The following POU2F1 variants were observed in gnomAD, a reference collection of about 807,000 sequenced individuals.
The protein encoded by POU2F1 is POU domain, class 2, transcription factor 1.
A neutral mutation model predicts 84.9 loss-of-function variants in POU2F1; 16 were observed. The ratio of observed to expected loss-of-function variants is 0.19; its 90% confidence interval spans 0.13 to 0.29. The LOEUF is 0.29. Among genes scored for constraint, POU2F1 ranks in the 10% least tolerant of loss-of-function variants. The pLI, the probability that POU2F1 is intolerant of heterozygous loss-of-function variation, is 1.00. For missense variants in POU2F1, 738 were observed against 942.6 expected, an observed-to-expected ratio of 0.78 and a Z score of 2.84; for synonymous variants, 368 against 368.3, an observed-to-expected ratio of 1.00 and a Z score of 0.01.
intron 2 of POU2F1, among the ~76,000 whole-genome samples, chr1:167,356,372 T>G (rs778586576): frequency 6.6e-6 from 1 of 152,026 alleles, no homozygotes. Flanking sequence ...TAATAAATTA[T>G]TAGATTCCTT....
chr1:167,302,905 G>A (rs867995717), intron 1 of POU2F1, among the ~76,000 whole-genome samples: 2 of 152,298 alleles, frequency 1.3e-5, no homozygotes, highest in Middle Eastern at 3.4e-3. Context: ...GAGGCCTCAT[G>A]ACAAAGAGGG....
At chr1:167,276,415 A>T (rs113655712) in intron 1 of POU2F1, among the ~76,000 whole-genome samples, 5 of 152,250 alleles carry the variant, frequency 3.3e-5, no homozygotes, top group African/African-American at 1.2e-4. Context: ...TGTTAATCTT[A>T]CTATGCCTAA....
At chr1:167,307,807 C>T (rs984013287) in intron 1 of POU2F1, among the ~76,000 whole-genome samples, 2 of 152,160 alleles carry the variant, frequency 1.3e-5, no homozygotes, top group African/African-American at 4.8e-5. Flanking sequence ...CCAAAATAAT[C>T]CAATCCAAGA....
intron 1 of POU2F1, among the ~76,000 whole-genome samples, chr1:167,293,120 C>G (rs1008092656): frequency 6.6e-6 from 1 of 152,138 alleles, no homozygotes; most frequent in Non-Finnish European, 1.5e-5. Context: ...CCACTTTTAC[C>G]CCTTCTATTT....
chr1:167,246,117 A>G (rs923158707), intron 1 of POU2F1, among the ~76,000 whole-genome samples: 2 of 152,250 alleles, frequency 1.3e-5, no homozygotes, highest in African/African-American at 2.4e-5. Flanking sequence ...TAATGATAGA[A>G]CATTAAACAA....
intron 1 of POU2F1, among the ~76,000 whole-genome samples, chr1:167,225,715 G>C (rs1230664123): frequency 6.6e-6 from 1 of 152,142 alleles, no homozygotes; most frequent in Non-Finnish European, 1.5e-5. Flanking sequence ...GCTTCATCTT[G>C]AATTTATTTG....
chr1:167,277,473 T>C (rs1242144244), intron 1 of POU2F1, among the ~76,000 whole-genome samples: 2 of 151,242 alleles, frequency 1.3e-5, no homozygotes, highest in African/African-American at 4.9e-5. Context: ...ACTCCATTTT[T>C]ACGTGTCAAC....
At chr1:167,410,800 G>A (rs1311456067) in intron 13 of POU2F1, among the ~76,000 whole-genome samples, 8 of 152,076 alleles carry the variant, frequency 5.3e-5, no homozygotes, top group African/African-American at 9.7e-5. Context: ...ACAAGCGTGA[G>A]CCACCACACC....
chr1:167,323,281 A>C (rs1397719769), intron 1 of POU2F1, among the ~76,000 whole-genome samples: 1 of 152,232 alleles, frequency 6.6e-6, no homozygotes, highest in East Asian at 1.9e-4. Flanking sequence ...GAAATGGTAA[A>C]ACTTTAATAG....
At chr1:167,234,419 AT>A (rs1409765291) in intron 1 of POU2F1, among the ~76,000 whole-genome samples, 1 of 152,148 alleles carries the variant, frequency 6.6e-6, no homozygotes, top group Non-Finnish European at 1.5e-5. Flanking sequence ...CATTCTCAAC[AT>A]TTTGGGTTTT....
intron 2 of POU2F1, among the ~76,000 whole-genome samples, chr1:167,342,119 G>C (rs1411344434): frequency 6.6e-6 from 1 of 152,072 alleles, no homozygotes; most frequent in Admixed American, 6.5e-5. Context: ...CAACTTTTGG[G>C]CGCAAAAACA....
At chr1:167,250,402 T>TA (rs1650636895) in intron 1 of POU2F1, among the ~76,000 whole-genome samples, 1 of 152,228 alleles carries the variant, frequency 6.6e-6, no homozygotes, top group Admixed American at 6.5e-5. Context: ...GTTATAATGT[T>TA]ACAAATATTT....
At chr1:167,346,424 A>C (rs1388174720) in intron 2 of POU2F1, among the ~76,000 whole-genome samples, 5 of 152,208 alleles carry the variant, frequency 3.3e-5, no homozygotes, top group African/African-American at 1.2e-4. Flanking sequence ...TTTAGCAGAT[A>C]AGTAATACCT....
At chr1:167,394,556 G>A (rs1051066835) in intron 9 of POU2F1, among the ~76,000 whole-genome samples, 4 of 152,134 alleles carry the variant, frequency 2.6e-5, no homozygotes, top group Non-Finnish European at 4.4e-5. Flanking sequence ...TCTGTACATT[G>A]GACATGGGAT....
At chr1:167,384,621 C>T (rs753300345) in intron 8 of POU2F1, among the ~76,000 whole-genome samples, 5 of 151,516 alleles carry the variant, frequency 3.3e-5, no homozygotes, top group Admixed American at 6.6e-5. Flanking sequence ...AACACATTAC[C>T]AGATTTGACA....
chr1:167,220,944 C>T lies in POU2F1; in HGVS notation c.47C>T (p.Ala16Val), dbSNP rs760435628. 2.1e-5 allele frequency: 33 copies of T among 1,535,088 alleles called. No individual in the cohort carries two copies. The South Asian group carries it at 2.7e-4, about 13-fold the overall frequency. Residue 16 changes from alanine (A) to valine (V), a missense_variant, in exon 1 of 16, where the codon GCG becomes GTG. This residue lies in a region of POU2F1 where 161 missense variants were observed against 147.0 expected (regional missense o/e 1.10). Transcript: ENST00000367866. ...AGTCAAGATGAGAGTTCAGCCGCGG[C>T]GGCAGCAGCAGCAGGTAATCATTAC... Reference protein sequence around the residue: ...AASQDESSAAAAAAADSRMNN... With the variant: ...AASQDESSAAVAAAADSRMNN...
chr1:167,254,935 C>T (rs892259450), intron 1 of POU2F1, among the ~76,000 whole-genome samples: 1 of 152,160 alleles, frequency 6.6e-6, no homozygotes, highest in Non-Finnish European at 1.5e-5. Context: ...CTGCCAGGAA[C>T]AATTTGAAGT....
At chr1:167,345,163 TTAAAG>T (rs1345229304) in intron 2 of POU2F1, among the ~76,000 whole-genome samples, 1 of 152,084 alleles carries the variant, frequency 6.6e-6, no homozygotes, top group Non-Finnish European at 1.5e-5. Flanking sequence ...ATCCCGGAAC[TTAAAG>T]TAAAATAAAT....
Position 167,424,177 on chromosome 1 carries a change from G to C in POU2F1, c.*8367G>C, listed in dbSNP as rs1367988680. 6.6e-6 allele frequency: 1 copy of C among 152,270 alleles called. No individual in the cohort carries two copies. The highest frequency in any genetic ancestry group is 6.5e-5 in the Admixed American group (1 of 15,290). The allele number at this position is 152,270 out of a possible 1,614,324, so 9.4% of individuals were successfully genotyped here. A position where few individuals can be genotyped will look rare whatever the true frequency, so the allele number is the denominator to read the frequency against. ...CACTTTGTAAGAGTAGAGTGGACTAGTGCCAGCCTGAATAGGTTTAAAACT... is the reference window on the plus strand; with the variant it reads ...CACTTTGTAAGAGTAGAGTGGACTACTGCCAGCCTGAATAGGTTTAAAACT... On this transcript the variant is annotated 3_prime_UTR_variant, in exon 16 of 16. Transcript: ENST00000367866.
Sources: allele counts gnomAD v4.1 joint callset (sites outside exome capture counted in the v4.1 genomes callset), GRCh38; gene constraint gnomAD v4.1.1; regional missense constraint gnomAD v4.1.1; transcripts MANE v1.5; gene names NCBI Gene and HGNC (gene_info 2026-07-23, HGNC 2026-07-21).